The following XRRA1 variants were observed in gnomAD, a reference collection of about 807,000 sequenced individuals.
XRRA1 encodes X-ray radiation resistance-associated protein 1.
In XRRA1, 69 loss-of-function variants were observed where a neutral mutation model predicts 80.2. The ratio of observed to expected loss-of-function variants is 0.86; its 90% confidence interval spans 0.71 to 1.05. The LOEUF (loss-of-function observed/expected upper bound fraction) is 1.05, where lower values mean the gene tolerates loss of function less well. Ranked by LOEUF, XRRA1 falls within the 50% of genes least tolerant of loss-of-function variation. XRRA1 has a pLI of 0.00. For missense variants in XRRA1, 967 were observed against 976.4 expected, an observed-to-expected ratio of 0.99 and a Z score of 0.13; for synonymous variants, 348 against 389.9, an observed-to-expected ratio of 0.89 and a Z score of 1.27.
intron 10 of XRRA1, among the ~76,000 whole-genome samples, chr11:74,894,621 G>A (rs1348519391): frequency 1.3e-5 from 2 of 152,128 alleles, no homozygotes; most frequent in Non-Finnish European, 2.9e-5. Flanking sequence ...CAGATCTAAT[G>A]AGAACTCACT....
intron 10 of XRRA1, among the ~76,000 whole-genome samples, chr11:74,888,417 T>C (rs2049662057): frequency 1.3e-5 from 2 of 152,130 alleles, no homozygotes; most frequent in Non-Finnish European, 2.9e-5. Context: ...ACCCCATCTG[T>C]ACGTCACCAT....
intron 5 of XRRA1, 93 bp from the exon 6 acceptor site, chr11:74,930,465 A>T: frequency 1.0e-6 from 1 of 980,876 alleles, no homozygotes; most frequent in Non-Finnish European, 1.5e-6. Flanking sequence ...CTGTCAGAAG[A>T]AACAAAGACC....
intron 10 of XRRA1, among the ~76,000 whole-genome samples, chr11:74,872,530 G>A (rs994612329): frequency 6.6e-6 from 1 of 152,124 alleles, no homozygotes; most frequent in African/African-American, 2.4e-5. Context: ...TCCCCAAGGT[G>A]TATCCATTAG....
In XRRA1 at chr11:74,949,042, T is replaced by G; in HGVS notation, c.-187A>C. 1 of 394,482 alleles carries G rather than the reference T, an allele frequency of 2.5e-6. No individual in the cohort carries two copies. Among genetic ancestry groups the G allele is most frequent in the South Asian group, 3.1e-5 (1 of 31,920 alleles). 24.4% of individuals were successfully genotyped at this position (394,482 alleles called of 1,614,324 possible). ...CTCGGAGCCGCTCCACTGCGGTGCC[T>G]GCCGCTATCTTCCCCACGCCTTAGT... On this transcript the variant is annotated 5_prime_UTR_variant, in exon 1 of 19. Transcript: ENST00000684022.
At chr11:74,931,064 C>T (rs924010032) in intron 5 of XRRA1, among the ~76,000 whole-genome samples, 2 of 152,068 alleles carry the variant, frequency 1.3e-5, no homozygotes, top group African/African-American at 2.4e-5. Context: ...GCCTCAGCCT[C>T]CCAAAGTGCT....
intron 8 of XRRA1, among the ~76,000 whole-genome samples, chr11:74,914,266 G>C (rs929756773): frequency 6.6e-6 from 1 of 152,134 alleles, no homozygotes; most frequent in African/African-American, 2.4e-5. Context: ...GATTACAGGC[G>C]TGAGCCACCG....
intron 12 of XRRA1, among the ~76,000 whole-genome samples, chr11:74,858,917 T>C (rs960177296): frequency 2.6e-5 from 4 of 152,204 alleles, no homozygotes; most frequent in Non-Finnish European, 4.4e-5. Context: ...TCCACAGCTG[T>C]ATATCTAGTG....
rs1018728734 is a variant in XRRA1 at position 74,919,525 on chromosome 11, G to C, written c.656+1689C>G. 6 of 337,684 alleles carry C rather than the reference G, an allele frequency of 1.8e-5. No individual in the cohort carries two copies. In the Admixed American group the frequency reaches 2.7e-4, roughly 15 times the overall value. 20.9% of individuals were successfully genotyped at this position (337,684 alleles called of 1,614,324 possible). ...TACCTTGAGTGGGTTTTGTATTTCTGTCTACAGCCTGACTGGCTCATGGAG... is the reference window on the plus strand; with the variant it reads ...TACCTTGAGTGGGTTTTGTATTTCTCTCTACAGCCTGACTGGCTCATGGAG... On this transcript the variant is annotated intron_variant, in intron 8 of 18. Coordinates refer to ENST00000684022, the MANE Select transcript of XRRA1 (RefSeq NM_001378157.1).
chr11:74,899,671 C>A (rs190390049), intron 10 of XRRA1, among the ~76,000 whole-genome samples: 1 of 152,064 alleles, frequency 6.6e-6, no homozygotes, highest in Admixed American at 6.5e-5. Flanking sequence ...TGGATAAATT[C>A]TAGACATATA....
chr11:74,936,955 T>G lies in XRRA1; in HGVS notation c.208A>C (p.Lys70Gln). ...TCCCGCCGAGACTCTTTCTTCCCCT[T>G]GAACTCAAAAGAAGTCGCCTTCAGG... is the stretch of plus-strand genomic sequence containing the variant. ...ESLKATSFEF[K>Q]GKKESRRENQ... The change falls in exon 4 of 19, where the codon AAG becomes CAG. Residue 70 changes from lysine to glutamine, a missense_variant. By Grantham distance (53) the Lys-to-Gln change is moderately conservative. Coordinates refer to ENST00000684022, the MANE Select transcript of XRRA1 (RefSeq NM_001378157.1). The G allele has an allele frequency of 6.2e-7, 1 of 1,613,880 alleles. No individual in the cohort carries two copies. The highest frequency in any genetic ancestry group is 8.5e-7 in the Non-Finnish European group (1 of 1,179,862).
chr11:74,885,632 T>C (rs1029629292), intron 10 of XRRA1, among the ~76,000 whole-genome samples: 3 of 152,008 alleles, frequency 2.0e-5, no homozygotes, highest in Admixed American at 2.0e-4. Flanking sequence ...CCAAATTCTA[T>C]CAGGTGTATA....
chr11:74,875,085 GAAAGACACTTTCCTACTACT>G (rs1311882577), intron 10 of XRRA1, among the ~76,000 whole-genome samples: 1 of 152,176 alleles, frequency 6.6e-6, no homozygotes, highest in Non-Finnish European at 1.5e-5. Context: ...CATTTGGGAG[GAAAGACACTTTCCTACTACT>G]AAAGATAACC....
intron 10 of XRRA1, among the ~76,000 whole-genome samples, chr11:74,881,180 CTCT>C (rs1369047384): frequency 1.2e-4 from 18 of 150,410 alleles, no homozygotes; most frequent in Admixed American, 1.3e-4. Context: ...GGATAGTTAG[CTCT>C]TCTTGTTGAA....
intron 10 of XRRA1, among the ~76,000 whole-genome samples, chr11:74,898,136 A>T (rs2052791473): frequency 6.6e-6 from 1 of 152,050 alleles, no homozygotes; most frequent in Non-Finnish European, 1.5e-5. Flanking sequence ...TAAAGTGTTG[A>T]GTTTTTGTTA....
intron 10 of XRRA1, among the ~76,000 whole-genome samples, chr11:74,877,437 C>T (rs551653543): frequency 6.6e-6 from 1 of 152,138 alleles, no homozygotes; most frequent in African/African-American, 2.4e-5. Flanking sequence ...ATAGTACTCC[C>T]ACTAATAATG....
intron 4 of XRRA1, among the ~76,000 whole-genome samples, chr11:74,934,108 A>T (rs1944358770): frequency 6.6e-6 from 1 of 152,314 alleles, no homozygotes; most frequent in African/African-American, 2.4e-5. Flanking sequence ...TCTAATCCTA[A>T]TTAAGCCCTT....
intron 2 of XRRA1, among the ~76,000 whole-genome samples, chr11:74,942,254 C>A (rs1302981050): frequency 6.6e-6 from 1 of 152,006 alleles, no homozygotes; most frequent in Non-Finnish European, 1.5e-5. Context: ...GGAAGTCAGG[C>A]AAGGTGGGGA....
chr11:74,892,082 A>G (rs2137346814), intron 10 of XRRA1, among the ~76,000 whole-genome samples: 1 of 152,314 alleles, frequency 6.6e-6, no homozygotes, highest in Non-Finnish European at 1.5e-5. Flanking sequence ...ACCAAAAAAG[A>G]GCCCGCATCG....
intron 5 of XRRA1, among the ~76,000 whole-genome samples, chr11:74,932,804 C>T (rs1943955801): frequency 6.6e-6 from 1 of 152,198 alleles, no homozygotes; most frequent in South Asian, 2.1e-4. Flanking sequence ...CCCTAAGTAA[C>T]TCAATTCTGA....
Sources: gnomAD v4.1 joint callset for allele counts (sites outside exome capture counted in the v4.1 genomes callset) on GRCh38, gnomAD v4.1.1 for gene constraint, MANE v1.5 for transcripts, NCBI Gene and HGNC (gene_info 2026-07-23, HGNC 2026-07-21) for gene names.